Variants in SNCAIP observed in about 807,000 individuals in gnomAD.
SNCAIP encodes the protein synuclein alpha interacting protein.
SNCAIP carries 43 observed loss-of-function variants against 86.7 expected under a neutral mutation model. The observed-to-expected ratio is 0.50, with a 90% CI of 0.39 to 0.64. The LOEUF is 0.64. SNCAIP is among the 30% of genes least tolerant of loss of function. The probability of loss-of-function intolerance (pLI) is 0.00; values close to 1 mark genes in which losing one functional copy is unlikely to be tolerated. For missense variants in SNCAIP, 981 were observed against 1,103.1 expected, an observed-to-expected ratio of 0.89 and a Z score of 1.57; for synonymous variants, 417 against 427.2, an observed-to-expected ratio of 0.98 and a Z score of 0.29.
At chr5:122,434,353 T>G (rs1414430309) in intron 6 of SNCAIP, among the ~76,000 whole-genome samples, 3 of 152,176 alleles carry the variant, frequency 2.0e-5, no homozygotes, top group African/African-American at 7.2e-5. Context: ...ATGCTTTGTC[T>G]TGGGAAATGT....
chr5:122,391,124 A>G lies in SNCAIP; in HGVS notation c.-11A>G, dbSNP rs1769254708. ...GTATTTGACCGTACTCAAAATGTGC[A>G]AGGAAGAATAATGGAAGCCCCTGAA... On this transcript the variant is annotated 5_prime_UTR_variant, in exon 2 of 11. Transcript: ENST00000261368. 6.2e-7 allele frequency: 1 copy of G among 1,607,658 alleles called. No individual in the cohort carries two copies. Among genetic ancestry groups the G allele is most frequent in the Non-Finnish European group, 8.5e-7 (1 of 1,174,294 alleles).
At chr5:122,450,031 A>G in intron 9 of SNCAIP, 94 bp downstream of exon 9, 1 of 886,266 alleles carries the variant, frequency 1.1e-6, no homozygotes, top group South Asian at 1.4e-5. Context: ...AGAGGATGAC[A>G]ACAGAAAACA....
Position 122,423,127 on chromosome 5 carries a change from A to C in SNCAIP, c.390A>C (p.Pro130=). 6.2e-7 allele frequency: 1 copy of C among 1,614,154 alleles called. No individual in the cohort carries two copies. The highest frequency in any genetic ancestry group is 1.1e-5 in the South Asian group (1 of 91,084). Residue 130 remains proline (P), a synonymous_variant, in exon 4 of 11, where the codon CCA becomes CCC. Transcript: ENST00000261368. ...LGPGDGVGGP[P]GKSSEPSTSL... ...CTGGAGATGGAGTGGGCGGCCCACCAGGTAAGAGCTCTGAGCCCAGCACAT... is the reference window on the plus strand; with the variant it reads ...CTGGAGATGGAGTGGGCGGCCCACCCGGTAAGAGCTCTGAGCCCAGCACAT...
intron 3 of SNCAIP, among the ~76,000 whole-genome samples, chr5:122,407,073 C>T (rs141099554): frequency 6.6e-6 from 1 of 152,230 alleles, no homozygotes; most frequent in Non-Finnish European, 1.5e-5. Context: ...TGGTAAAGAA[C>T]AAGACAGACA....
intron 1 of SNCAIP, among the ~76,000 whole-genome samples, chr5:122,362,915 T>C (rs775004700): frequency 6.6e-6 from 1 of 151,872 alleles, no homozygotes; most frequent in Non-Finnish European, 1.5e-5. Context: ...ACAAACAATA[T>C]AGCCAAGAGG....
At chr5:122,453,126 T>G (rs1359327464) in intron 10 of SNCAIP, 3 of 572,258 alleles carry the variant, frequency 5.2e-6, no homozygotes, top group Non-Finnish European at 6.3e-6. Context: ...ATTACAACTA[T>G]TCCCCCAAGT....
At chr5:122,460,769 G>A (rs193237616) in intron 10 of SNCAIP, among the ~76,000 whole-genome samples, 16 of 152,138 alleles carry the variant, frequency 1.1e-4, no homozygotes, top group East Asian at 5.8e-4. Flanking sequence ...TTTACAATGC[G>A]TTTCTAAACA....
chr5:122,438,972 C>T (rs1051144598), intron 6 of SNCAIP, among the ~76,000 whole-genome samples: 1 of 152,204 alleles, frequency 6.6e-6, no homozygotes, highest in Non-Finnish European at 1.5e-5. Context: ...AGCCATTAAC[C>T]TCAACCAGTT....
chr5:122,351,824 C>A lies in SNCAIP; in HGVS notation c.-46-39265C>A, dbSNP rs992827388. ...AACCCAAACCAAATGAGTTTGTATA[C>A]AGTATTTCAGCTGTATGTCAGGAGA... is the stretch of plus-strand genomic sequence containing the variant. On this transcript the variant is annotated intron_variant, in intron 1 of 10. Transcript: ENST00000261368. Among the ~76,000 whole-genome samples the A allele has an allele frequency of 2.6e-5, 4 of 152,082 alleles. No individual in the cohort carries two copies. The South Asian group carries it at 8.3e-4, about 32-fold the overall frequency.
In SNCAIP at chr5:122,451,409, G is replaced by A; in HGVS notation, c.2562G>A (p.Gly854=). The part of the protein sequence containing the change: ...LQRTSTSNES[G]DQLKRPFGAF... Reference sequence around the variant, plus strand: ...GGACCTCCACAAGTAACGAATCGGGGGATCAACTGAAAAGGCCTTTTGGAG... The same window carrying A: ...GGACCTCCACAAGTAACGAATCGGGAGATCAACTGAAAAGGCCTTTTGGAG... Residue 854 remains glycine, a synonymous_variant, in exon 10 of 11, where the codon GGG becomes GGA. Transcript: ENST00000261368. 1 of 1,614,060 alleles carries A rather than the reference G, an allele frequency of 6.2e-7. No individual in the cohort carries two copies. The highest frequency in any genetic ancestry group is 8.5e-7 in the Non-Finnish European group (1 of 1,180,006).
At position 122,357,858 on chromosome 5, in the gene SNCAIP, A is replaced by G. The variant is rs150015428; in HGVS notation, c.-46-33231A>G. 2.1e-3 allele frequency among the ~76,000 whole-genome samples: 325 copies of G among 152,280 alleles called. 1 individual carries two copies. Among genetic ancestry groups the G allele is most frequent in the African/African-American group, 7.3e-3 (302 of 41,568 alleles). ...GTGGCTACTTGCTACCACATTGGAC[A>G]GCACAGATACAGAACATTTCCATAA... On this transcript the variant is annotated intron_variant, in intron 1 of 10. Transcript: ENST00000261368.
intron 10 of SNCAIP, chr5:122,452,820 T>C: frequency 1.4e-6 from 1 of 723,388 alleles, no homozygotes; most frequent in South Asian, 1.6e-5. Context: ...TAAGCCACTG[T>C]CCTCTAATCT....
chr5:122,351,467 G>T (rs977427343), intron 1 of SNCAIP, among the ~76,000 whole-genome samples: 1 of 146,090 alleles, frequency 6.8e-6, no homozygotes, highest in African/African-American at 2.6e-5. Context: ...AACCCAGGAG[G>T]CAGAGGTTGC....
chr5:122,450,593 TTC>T lies in SNCAIP; in HGVS notation c.1748_1749del (p.Ser583CysfsTer25). On this transcript the variant is annotated frameshift_variant, in exon 10 of 11. Transcript: ENST00000261368. LOFTEE classifies it high-confidence loss of function. The stretch of plus-strand genomic sequence containing the variant: ...GGAAATCTCCAGATGCAGATGATGA[TTC>T]TGTAGCCAAAAGCAAGCCAGGAGTC... ...QWKSPDADDD[S>X]VAKSKPGVQE... 6.2e-7 allele frequency: 1 copy of T among 1,614,150 alleles called. No individual in the cohort carries two copies. The highest frequency in any genetic ancestry group is 1.1e-5 in the South Asian group (1 of 91,072).
At chr5:122,369,429 C>G (rs1763844059) in intron 1 of SNCAIP, among the ~76,000 whole-genome samples, 1 of 152,160 alleles carries the variant, frequency 6.6e-6, no homozygotes, top group Non-Finnish European at 1.5e-5. Context: ...TTGCCTCAGG[C>G]CACACGGAAA....
At chr5:122,419,573 G>A (rs963955567) in intron 3 of SNCAIP, among the ~76,000 whole-genome samples, 3 of 152,152 alleles carry the variant, frequency 2.0e-5, no homozygotes, top group African/African-American at 7.2e-5. Context: ...ATCTACTTAT[G>A]TAAAGCAATT....
At chr5:122,401,889 G>C (rs1771893666) in intron 2 of SNCAIP, among the ~76,000 whole-genome samples, 1 of 152,194 alleles carries the variant, frequency 6.6e-6, no homozygotes, top group Non-Finnish European at 1.5e-5. Flanking sequence ...GAATACATCA[G>C]AGATTCTGAT....
chr5:122,395,808 T>C (rs1263957559), intron 2 of SNCAIP, among the ~76,000 whole-genome samples: 1 of 152,122 alleles, frequency 6.6e-6, no homozygotes, highest in Non-Finnish European at 1.5e-5. Context: ...AGCTTAGATG[T>C]GAAAAAGAGT....
intron 7 of SNCAIP, chr5:122,443,532 G>C (rs1781564062): frequency 2.2e-6 from 1 of 451,920 alleles, no homozygotes; most frequent in South Asian, 1.6e-5. Flanking sequence ...TAAAATCTCA[G>C]TCTTACTTCT....
Sources: allele counts gnomAD v4.1 joint callset (sites outside exome capture counted in the v4.1 genomes callset), GRCh38; gene constraint gnomAD v4.1.1; transcripts MANE v1.5; gene names NCBI Gene and HGNC (gene_info 2026-07-23, HGNC 2026-07-21).